The following SLC24A3 variants were observed in gnomAD, a reference collection of about 807,000 sequenced individuals.
The protein encoded by SLC24A3 is sodium/potassium/calcium exchanger 3.
Under a neutral mutation model 75.8 loss-of-function variants are expected in SLC24A3, and 28 were observed. The observed-to-expected ratio is 0.37, with a 90% confidence interval of 0.27 to 0.51. The LOEUF (loss-of-function observed/expected upper bound fraction) is 0.51, where lower values mean the gene tolerates loss of function less well. Ranked by LOEUF, SLC24A3 falls within the 20% of genes least tolerant of loss-of-function variation. The pLI is 0.94. For missense variants in SLC24A3, 663 were observed against 847.8 expected (o/e 0.78, Z 2.71); for synonymous variants, 372 against 334.1 (o/e 1.11, Z -1.24).
intron 1 of SLC24A3, among the ~76,000 whole-genome samples, chr20:19,235,751 GC>G (rs1982147587): frequency 6.6e-6 from 1 of 152,190 alleles, no homozygotes; most frequent in South Asian, 2.1e-4. Context: ...GCTGGCAGGT[GC>G]ATCCCCTGCA....
intron 2 of SLC24A3, among the ~76,000 whole-genome samples, chr20:19,485,662 C>T (rs1988117406): frequency 1.3e-5 from 2 of 152,092 alleles, no homozygotes; most frequent in African/African-American, 4.8e-5. Context: ...TTAGAGTTGG[C>T]CTTGATGATG....
At chr20:19,228,015 C>T (rs991132504) in intron 1 of SLC24A3, among the ~76,000 whole-genome samples, 1 of 152,102 alleles carries the variant, frequency 6.6e-6, no homozygotes, top group African/African-American at 2.4e-5. Context: ...TGTCAAGATT[C>T]ATGATTATTT....
intron 3 of SLC24A3, among the ~76,000 whole-genome samples, chr20:19,516,802 C>T (rs774559807): frequency 3.9e-5 from 6 of 152,192 alleles, no homozygotes; most frequent in Admixed American, 6.5e-5. Context: ...TGTGATTCAA[C>T]GGAGGGGTCA....
At chr20:19,217,133 T>G (rs1981582579) in intron 1 of SLC24A3, among the ~76,000 whole-genome samples, 1 of 152,262 alleles carries the variant, frequency 6.6e-6, no homozygotes, top group African/African-American at 2.4e-5. Flanking sequence ...AGGTGAAAGA[T>G]GGCATGTTTA....
At chr20:19,319,993 C>A (rs1001901) in intron 2 of SLC24A3, among the ~76,000 whole-genome samples, 13,753 of 152,236 alleles carry the variant, frequency 0.09, 2,005 homozygotes, top group African/African-American at 0.31. Context: ...CTCTTCTAGA[C>A]CTGCTCTACT....
intron 14 of SLC24A3, among the ~76,000 whole-genome samples, 199 bp from the exon 15 acceptor site, chr20:19,698,369 G>T (rs2032834606): frequency 6.6e-6 from 1 of 152,196 alleles, no homozygotes; most frequent in Admixed American, 6.5e-5. Context: ...TTGAAGTAAA[G>T]GTCAACCATT....
intron 1 of SLC24A3, among the ~76,000 whole-genome samples, chr20:19,278,338 A>G (rs567310353): frequency 1.1e-3 from 171 of 152,294 alleles, no homozygotes; most frequent in African/African-American, 3.4e-3. Context: ...TGCACCTACT[A>G]TTAGCATTTC....
In SLC24A3 at chr20:19,399,901, G is replaced by A. The variant is rs191193916; in HGVS notation, c.272-115587G>A. On this transcript the variant is annotated intron_variant, in intron 2 of 16. Transcript: ENST00000328041. ...GGATAGTTTCTATTGGTATATCTTC[G>A]ATGTCACTAATCTTTTATTAGACGA... Among the ~76,000 whole-genome samples, 7 of 152,234 alleles carry A rather than the reference G, an allele frequency of 4.6e-5. No homozygotes were observed. In the South Asian group the frequency reaches 8.3e-4, roughly 18 times the overall value.
At chr20:19,446,125 T>C (rs1987379329) in intron 2 of SLC24A3, among the ~76,000 whole-genome samples, 2 of 152,106 alleles carry the variant, frequency 1.3e-5, no homozygotes, top group South Asian at 4.1e-4. Flanking sequence ...GCTCATAGAG[T>C]GTGGCTTCAG....
At chr20:19,563,853 G>A (rs546239123) in intron 3 of SLC24A3, among the ~76,000 whole-genome samples, 49 of 152,254 alleles carry the variant, frequency 3.2e-4, no homozygotes, top group Non-Finnish European at 4.6e-4. Flanking sequence ...TAACTGGCAC[G>A]AAAATTCCTA....
chr20:19,249,265 A>G (rs533005138), intron 1 of SLC24A3, among the ~76,000 whole-genome samples: 1 of 152,308 alleles, frequency 6.6e-6, no homozygotes, highest in South Asian at 2.1e-4. Flanking sequence ...TATGATGTGG[A>G]GTGAGTATCT....
chr20:19,352,564 C>T (rs1985595009), intron 2 of SLC24A3, among the ~76,000 whole-genome samples: 1 of 152,144 alleles, frequency 6.6e-6, no homozygotes, highest in Non-Finnish European at 1.5e-5. Context: ...AGACTCTGAG[C>T]CTCAGGGATT....
chr20:19,693,333 T>A lies in SLC24A3; in HGVS notation c.1399T>A (p.Cys467Ser), dbSNP rs2032768823. ...CGTCTTATACTTCACTGTACCCAAC[T>A]GCAACAAGCCGCGCTGGGAGAAATG... Reference protein sequence around the residue: ...SFVLYFTVPNCNKPRWEKWFM... With the variant: ...SFVLYFTVPNSNKPRWEKWFM... The change falls in exon 13 of 17, where the codon TGC (cysteine) becomes AGC (serine). Residue 467 changes from cysteine (C) to serine (S), a missense_variant. Physicochemically the swap from Cys to Ser is moderately radical, Grantham distance 112. Around this residue, in one of 2 missense-constraint regions of SLC24A3, gnomAD observed 510 missense variants for 703.6 expected, o/e 0.72. Transcript: ENST00000328041. 1 of 1,613,816 alleles carries A rather than the reference T, an allele frequency of 6.2e-7. No individual in the cohort carries two copies. The highest frequency in any genetic ancestry group is 8.5e-7 in the Non-Finnish European group (1 of 1,179,956).
chr20:19,326,317 G>T (rs756171606), intron 2 of SLC24A3, among the ~76,000 whole-genome samples: 2 of 152,096 alleles, frequency 1.3e-5, no homozygotes, highest in African/African-American at 2.4e-5. Context: ...GGGAGCAAAG[G>T]AGGACAGGGA....
At chr20:19,680,246 T>G (rs2032598263) in intron 9 of SLC24A3, among the ~76,000 whole-genome samples, 1 of 152,144 alleles carries the variant, frequency 6.6e-6, no homozygotes, top group South Asian at 2.1e-4. Flanking sequence ...TTTGGCTGTT[T>G]GCTCTGCAGA....
intron 7 of SLC24A3, among the ~76,000 whole-genome samples, chr20:19,663,544 G>C: frequency 9.3e-6 from 1 of 108,032 alleles, no homozygotes; most frequent in Admixed American, 1.1e-4. Context: ...TTCACACAAG[G>C]CAGAGATCAA....
chr20:19,500,480 A>G (rs1988368133), intron 2 of SLC24A3, among the ~76,000 whole-genome samples: 1 of 152,356 alleles, frequency 6.6e-6, no homozygotes, highest in South Asian at 2.1e-4. Flanking sequence ...TGAGCTAGGC[A>G]AGAAAAGTTA....
At chr20:19,406,349 T>C (rs1000890016) in intron 2 of SLC24A3, among the ~76,000 whole-genome samples, 3 of 152,208 alleles carry the variant, frequency 2.0e-5, no homozygotes, top group African/African-American at 7.2e-5. Flanking sequence ...TGTGAAATTA[T>C]AGAGAATTAG....
chr20:19,594,270 C>T (rs2031421787), intron 6 of SLC24A3, among the ~76,000 whole-genome samples: 1 of 152,146 alleles, frequency 6.6e-6, no homozygotes, highest in African/African-American at 2.4e-5. Context: ...CACAGGTCAC[C>T]ATGTAGGGAG....
Sources: gnomAD v4.1 joint callset for allele counts (sites outside exome capture counted in the v4.1 genomes callset) on GRCh38, gnomAD v4.1.1 for gene constraint, gnomAD v4.1.1 regional missense constraint, MANE v1.5 for transcripts, NCBI Gene and HGNC (gene_info 2026-07-23, HGNC 2026-07-21) for gene names.